Variants in MKNK2 observed in about 807,000 individuals in gnomAD.
The protein encoded by MKNK2 is MAP kinase-interacting serine/threonine-protein kinase 2.
In MKNK2, 54 loss-of-function variants were observed where a neutral mutation model predicts 55.0. The observed-to-expected ratio is 0.98, with a 90% CI of 0.79 to 1.23. MKNK2 has a LOEUF of 1.23. MKNK2 is among the 50% of genes most tolerant of loss of function. The pLI, the probability that MKNK2 is intolerant of heterozygous loss-of-function variation, is 0.00. For synonymous variants in MKNK2, 323 were observed against 256.0 expected, an observed-to-expected ratio of 1.26 and a Z score of -2.50; for missense variants, 685 against 632.1, an observed-to-expected ratio of 1.08 and a Z score of -0.90.
Position 2,037,673 on chromosome 19 carries a change from A to G in MKNK2, c.*1940T>C. ...GTCTTTTAAAAACATCGTAACATTA[A>G]CACATGGCCGTTCACCGTCCCCCAG... On this transcript the variant is annotated 3_prime_UTR_variant, in exon 14 of 14. Transcript: ENST00000250896. The G allele has an allele frequency of 8.6e-7, 1 of 1,166,644 alleles. No homozygotes were observed. Among genetic ancestry groups the G allele is most frequent in the Non-Finnish European group, 1.2e-6 (1 of 851,336 alleles). The allele number at this position is 1,166,644 out of a possible 1,614,324, so 72.3% of individuals were successfully genotyped here.
At chr19:2,044,046 C>G (rs117061906) in intron 5 of MKNK2, among the ~76,000 whole-genome samples, 2,427 of 149,616 alleles carry the variant, frequency 0.016, 38 homozygotes, top group Non-Finnish European at 0.027. Flanking sequence ...TGACAGCCCT[C>G]AGAGACACAT....
Position 2,041,865 on chromosome 19 carries a change from C to T in MKNK2, c.920G>A (p.Arg307His), listed in dbSNP as rs531588743. 66 of 1,536,938 alleles carry T rather than the reference C, an allele frequency of 4.3e-5. No individual in the cohort carries two copies. Among genetic ancestry groups the T allele is most frequent in the Admixed American group, 1.8e-4 (9 of 49,372 alleles). ...GRCGSDCGWD[R>H]GEACPACQNM... ...CTGGCAGGCAGGGCAGGCCTCGCCG[C>T]GGTCCCAGCCGCAGTCGCTGCCACA... Residue 307 changes from arginine (R) to histidine (H), a missense_variant, in exon 11 of 14, where the codon CGC becomes CAC. Transcript: ENST00000250896.
chr19:2,043,799 C>A lies in MKNK2; in HGVS notation c.340-217G>T, dbSNP rs913396907. 6.6e-5 allele frequency among the ~76,000 whole-genome samples: 10 copies of A among 152,022 alleles called. 1 individual carries two copies. The East Asian group carries it at 1.9e-3, about 29-fold the overall frequency. On this transcript the variant is annotated intron_variant, in intron 5 of 13. Coordinates refer to ENST00000250896, the MANE Select transcript of MKNK2 (RefSeq NM_199054.3). The stretch of plus-strand genomic sequence containing the variant: ...GACCATCCTGGCCAACATGGCAAAA[C>A]CCTGTCTCTACTGAAAATATAAAAA...
Position 2,039,755 on chromosome 19 carries a change from G to T in MKNK2, c.1256C>A (p.Ala419Glu), listed in dbSNP as rs374115536. 1.7e-5 allele frequency: 28 copies of T among 1,609,396 alleles called. No individual in the cohort carries two copies. The highest frequency in any genetic ancestry group is 1.6e-4 in the Middle Eastern group (1 of 6,082). Residue 419 changes from alanine to glutamate, a missense_variant, in exon 14 of 14, where the codon GCG becomes GAG. Transcript: ENST00000250896. ...GACCAGGACGGGCTGGCCCTGCCCC[G>T]CGGCCTCCTCCTCAGCCAGGTCCTC... is the stretch of plus-strand genomic sequence containing the variant. ...HDEDLAEEEA[A>E]GQGQPVLVRA... is the part of the protein sequence containing the mutation.
At chr19:2,043,998 A>G (rs2145689362) in intron 5 of MKNK2, among the ~76,000 whole-genome samples, 1 of 150,616 alleles carries the variant, frequency 6.6e-6, no homozygotes, top group African/African-American at 2.4e-5. Flanking sequence ...AAAAAAAAAA[A>G]AAAAAAGCCA....
chr19:2,046,747 G>A, intron 2 of MKNK2, 56 bp from the exon 3 acceptor site: 1 of 1,389,876 alleles, frequency 7.2e-7, no homozygotes, highest in Non-Finnish European at 9.6e-7. Context: ...CACGCAGCAG[G>A]GAGACCTATC....
intron 2 of MKNK2, among the ~76,000 whole-genome samples, chr19:2,047,625 G>A (rs2017028214): frequency 1.3e-5 from 2 of 152,086 alleles, no homozygotes; most frequent in Admixed American, 1.3e-4. Flanking sequence ...CAGCCTGGTG[G>A]CTGTGCCTGC....
intron 2 of MKNK2, among the ~76,000 whole-genome samples, chr19:2,049,969 T>G (rs1036440735): frequency 3.9e-5 from 6 of 152,164 alleles, no homozygotes; most frequent in African/African-American, 1.4e-4. Context: ...TCTCCAGTCC[T>G]GCCTTCCCTA....
At position 2,043,601 on chromosome 19, in the gene MKNK2, C is replaced by T; in HGVS notation, c.340-19G>A. The T allele has an allele frequency of 6.2e-7, 1 of 1,612,858 alleles. No homozygotes were observed. The highest frequency in any genetic ancestry group is 8.5e-7 in the Non-Finnish European group (1 of 1,179,162). On this transcript the variant is annotated intron_variant, in intron 5 of 13. Transcript: ENST00000250896. ...CAATGATCTGAAACAGGCGAAAGGA[C>T]ACAGCACCTGGGTTGGTGGGACGCT...
At chr19:2,040,488 G>C (rs767723787) in intron 12 of MKNK2, 1 of 412,396 alleles carries the variant, frequency 2.4e-6, no homozygotes, top group East Asian at 3.8e-5. Context: ...ACCCACCTCC[G>C]CCCCCCTCTT....
chr19:2,046,508 C>T, intron 3 of MKNK2, 40 bp from the exon 4 acceptor site: 1 of 1,577,292 alleles, frequency 6.3e-7, no homozygotes, highest in East Asian at 2.3e-5. Flanking sequence ...AGGACATGGC[C>T]CTGGCCGGCC....
In MKNK2 at chr19:2,039,754, C is replaced by G. The variant is rs139135189; in HGVS notation, c.1257G>C (p.Ala419=). ...HDEDLAEEEA[A]GQGQPVLVRA... is the part of the protein sequence containing the mutation. The stretch of plus-strand genomic sequence containing the variant: ...GGACCAGGACGGGCTGGCCCTGCCC[C>G]GCGGCCTCCTCCTCAGCCAGGTCCT... The change falls in exon 14 of 14, where the codon GCG becomes GCC. Residue 419 remains alanine, a synonymous_variant. Transcript: ENST00000250896. 4 of 1,609,628 alleles carry G rather than the reference C, an allele frequency of 2.5e-6. No individual in the cohort carries two copies. The highest frequency in any genetic ancestry group is 3.4e-6 in the Non-Finnish European group (4 of 1,179,744).
chr19:2,044,330 C>T (rs1046270493), intron 5 of MKNK2, among the ~76,000 whole-genome samples: 12 of 152,262 alleles, frequency 7.9e-5, no homozygotes, highest in East Asian at 1.9e-4. Context: ...ATATCTGTTT[C>T]GGGCCCACCC....
chr19:2,049,466 C>T (rs1028147156), intron 2 of MKNK2, among the ~76,000 whole-genome samples: 3 of 152,196 alleles, frequency 2.0e-5, no homozygotes, highest in Non-Finnish European at 4.4e-5. Context: ...CACCAAGACG[C>T]CCACCTTCCC....
In MKNK2 at chr19:2,041,186, T is replaced by G; in HGVS notation, c.964A>C (p.Ile322Leu). The G allele has an allele frequency of 6.2e-7, 1 of 1,613,682 alleles. No homozygotes were observed. Among genetic ancestry groups the G allele is most frequent in the African/African-American group, 1.3e-5 (1 of 75,026 alleles). ...GGGAACTCGTACTTGCCCTCCTGGA[T>G]GCTCTCAAACAGCATGTTCTGGGGA... ...PACQNMLFES[I>L]QEGKYEFPDK... The change falls in exon 12 of 14, where the codon ATC becomes CTC. Residue 322 changes from isoleucine to leucine, a missense_variant. By Grantham distance (5) the Ile-to-Leu change is conservative. Coordinates refer to ENST00000250896, the MANE Select transcript of MKNK2 (RefSeq NM_199054.3).
intron 12 of MKNK2, 74 bp from the exon 13 acceptor site, chr19:2,040,251 C>T: frequency 2.4e-6 from 3 of 1,264,204 alleles, no homozygotes; most frequent in Non-Finnish European, 3.3e-6. Context: ...GGGTGTCTGG[C>T]CAAGGGATGC....
intron 11 of MKNK2, 37 bp downstream of exon 11, chr19:2,041,803 G>A (rs1364995970): frequency 4.1e-6 from 6 of 1,466,596 alleles, no homozygotes; most frequent in East Asian, 5.3e-5. Flanking sequence ...CGGGGGAGGA[G>A]GGTGCCCAGG....
intron 3 of MKNK2, 45 bp from the exon 4 acceptor site, chr19:2,046,513 C>A (rs753681223): frequency 2.5e-6 from 4 of 1,569,904 alleles, no homozygotes; most frequent in Non-Finnish European, 3.5e-6. Context: ...ATGGCCCTGG[C>A]CGGCCGGCCC....
At position 2,038,189 on chromosome 19, in the gene MKNK2, G is replaced by T; in HGVS notation, c.*1424C>A. ...ACGGTCTCCGAGGCCCCCACCCCCA[G>T]GCCCCCCGACATTCAAGTATTCTTC... On this transcript the variant is annotated 3_prime_UTR_variant, in exon 14 of 14. Transcript: ENST00000250896. 9.9e-7 allele frequency: 1 copy of T among 1,014,170 alleles called. No homozygotes were observed. The allele number at this position is 1,014,170 out of a possible 1,614,324, so 62.8% of individuals were successfully genotyped here. A position where few individuals can be genotyped will look rare whatever the true frequency, so the allele number is the denominator to read the frequency against.
Sources: allele counts gnomAD v4.1 joint callset (sites outside exome capture counted in the v4.1 genomes callset), GRCh38; gene constraint gnomAD v4.1.1; transcripts MANE v1.5; gene names NCBI Gene and HGNC (gene_info 2026-07-23, HGNC 2026-07-21).